Variants in LNP1 observed in about 807,000 individuals in gnomAD.
The protein encoded by LNP1 is leukemia NUP98 fusion partner 1.
Under a neutral mutation model 14.5 loss-of-function variants are expected in LNP1, and 12 were observed. The ratio of observed to expected loss-of-function variants is 0.83; its 90% CI spans 0.53 to 1.34. LNP1 has a LOEUF of 1.34. Ranked by LOEUF, LNP1 falls within the 40% of genes most tolerant of loss-of-function variation. LNP1 has a pLI of 0.00. For missense variants in LNP1, 198 were observed against 210.9 expected, an observed-to-expected ratio of 0.94 and a Z score of 0.38; for synonymous variants, 75 against 71.4, an observed-to-expected ratio of 1.05 and a Z score of -0.26.
intron 1 of LNP1, among the ~76,000 whole-genome samples, chr3:100,416,744 C>A (rs542946382): frequency 4.8e-5 from 7 of 145,598 alleles, no homozygotes; most frequent in Non-Finnish European, 9.0e-5. Context: ...ACATTAAGTT[C>A]CAGGATACAT....
At chr3:100,425,246 G>A (rs956236269) in intron 1 of LNP1, among the ~76,000 whole-genome samples, 4 of 152,204 alleles carry the variant, frequency 2.6e-5, no homozygotes, top group African/African-American at 9.7e-5. Context: ...CCACCGTGGG[G>A]AATTCAGCCT....
intron 1 of LNP1, among the ~76,000 whole-genome samples, chr3:100,416,185 T>C (rs1424340385): frequency 6.6e-6 from 1 of 152,198 alleles, no homozygotes; most frequent in African/African-American, 2.4e-5. Flanking sequence ...ATTCTAATTC[T>C]TTTCTATTCT....
chr3:100,424,518 C>T (rs1707174141), intron 1 of LNP1, among the ~76,000 whole-genome samples: 1 of 152,160 alleles, frequency 6.6e-6, no homozygotes, highest in Non-Finnish European at 1.5e-5. Flanking sequence ...TATGGAGGCT[C>T]AATAGAGACT....
chr3:100,416,599 T>TTTTG (rs1491128284), intron 1 of LNP1, among the ~76,000 whole-genome samples: 68 of 94,658 alleles, frequency 7.2e-4, no homozygotes, highest in South Asian at 2.0e-3. Context: ...TATATCTTTT[T>TTTTG]TGTGTGTGTG....
intron 2 of LNP1, among the ~76,000 whole-genome samples, chr3:100,430,719 G>A (rs1431883236): frequency 6.6e-6 from 1 of 152,262 alleles, no homozygotes; most frequent in East Asian, 1.9e-4. Context: ...AGTTTTGTTT[G>A]GGGTAATATT....
chr3:100,445,890 A>C (rs992501806), intron 2 of LNP1, among the ~76,000 whole-genome samples: 5 of 152,200 alleles, frequency 3.3e-5, no homozygotes, highest in African/African-American at 1.2e-4. Context: ...TCCAACTTAC[A>C]AGGGATGTGA....
At chr3:100,405,126 A>G (rs989381741) in intron 1 of LNP1, among the ~76,000 whole-genome samples, 2 of 152,126 alleles carry the variant, frequency 1.3e-5, no homozygotes, top group South Asian at 2.1e-4. Flanking sequence ...TACCACTATT[A>G]CCTTAGCAGT....
chr3:100,455,559 TC>T (rs1445783837), intron 3 of LNP1, among the ~76,000 whole-genome samples: 1 of 152,214 alleles, frequency 6.6e-6, no homozygotes, highest in East Asian at 1.9e-4. Context: ...TGTACTTCCT[TC>T]CCAGACCATC....
chr3:100,437,681 T>C (rs1707304741), intron 2 of LNP1, among the ~76,000 whole-genome samples: 1 of 152,176 alleles, frequency 6.6e-6, no homozygotes, highest in Non-Finnish European at 1.5e-5. Context: ...TAGACTATGT[T>C]ATAAAATACT....
intron 1 of LNP1, among the ~76,000 whole-genome samples, chr3:100,418,059 ATTT>A (rs1553740895): frequency 2.6e-5 from 3 of 115,618 alleles, no homozygotes; most frequent in Admixed American, 1.7e-4. Flanking sequence ...TTCTCATACC[ATTT>A]TTTTTTTTTT....
In LNP1 at chr3:100,441,064, A is replaced by C. The variant is rs79343014; in HGVS notation, c.157-10655A>C. Among the ~76,000 whole-genome samples the C allele has an allele frequency of 0.017, 2,536 of 152,300 alleles. 264 individuals are homozygous for C. The East Asian group carries it at 0.31, about 18-fold the overall frequency. ...AGATCAAAGACCAGTGAGAAAGGAA[A>C]GATAGAAAAGGAAGACTAGTCTAGA... is the stretch of plus-strand genomic sequence containing the variant. On this transcript the variant is annotated intron_variant, in intron 2 of 3. Transcript: ENST00000383693.
At chr3:100,423,074 A>G (rs943838750) in intron 1 of LNP1, among the ~76,000 whole-genome samples, 2 of 152,230 alleles carry the variant, frequency 1.3e-5, no homozygotes, top group East Asian at 1.9e-4. Flanking sequence ...CAATCAGGTC[A>G]TTGAATAGAA....
At chr3:100,415,129 T>A (rs1032292232) in intron 1 of LNP1, among the ~76,000 whole-genome samples, 14 of 152,170 alleles carry the variant, frequency 9.2e-5, no homozygotes, top group Non-Finnish European at 1.8e-4. Flanking sequence ...GATAAGCTTG[T>A]GAAGAAAAAG....
At chr3:100,412,474 ATATT>A (rs780700052) in intron 1 of LNP1, among the ~76,000 whole-genome samples, 201 of 152,312 alleles carry the variant, frequency 1.3e-3, no homozygotes, top group Admixed American at 2.3e-3. Context: ...ACTTAAAAAA[ATATT>A]TATTGTCTAT....
At chr3:100,452,998 C>G (rs983764279) in intron 3 of LNP1, among the ~76,000 whole-genome samples, 1 of 152,106 alleles carries the variant, frequency 6.6e-6, no homozygotes, top group African/African-American at 2.4e-5. Flanking sequence ...AGGTAGTAGA[C>G]AAAACAAATA....
intron 2 of LNP1, among the ~76,000 whole-genome samples, chr3:100,448,862 AC>A (rs771346539): frequency 6.6e-6 from 1 of 152,110 alleles, no homozygotes; most frequent in Non-Finnish European, 1.5e-5. Flanking sequence ...GATTCATAAA[AC>A]CGTTTTTTTT....
chr3:100,420,166 T>C (rs1707129589), intron 1 of LNP1, among the ~76,000 whole-genome samples: 1 of 152,242 alleles, frequency 6.6e-6, no homozygotes, highest in South Asian at 2.1e-4. Flanking sequence ...TTGCCATTTG[T>C]ATATCTTCTG....
intron 1 of LNP1, among the ~76,000 whole-genome samples, chr3:100,423,384 G>A (rs1044712365): frequency 6.6e-6 from 1 of 152,166 alleles, no homozygotes; most frequent in African/African-American, 2.4e-5. Flanking sequence ...TCGGATGGGC[G>A]TGGTGGCTCA....
chr3:100,415,127 T>C (rs562930426), intron 1 of LNP1, among the ~76,000 whole-genome samples: 6 of 152,260 alleles, frequency 3.9e-5, no homozygotes, highest in Non-Finnish European at 8.8e-5. Flanking sequence ...AGGATAAGCT[T>C]GTGAAGAAAA....
Sources: allele counts gnomAD v4.1 joint callset (sites outside exome capture counted in the v4.1 genomes callset), GRCh38; gene constraint gnomAD v4.1.1; transcripts MANE v1.5; gene names NCBI Gene and HGNC (gene_info 2026-07-23, HGNC 2026-07-21).